Variants in PYY observed in about 807,000 individuals in gnomAD.
The protein encoded by PYY is peptide YY.
PYY carries 12 observed loss-of-function variants against 10.3 expected under a neutral mutation model. That is an observed-to-expected ratio of 1.17 (90% CI 0.75 to 1.89). PYY has a LOEUF of 1.89. Ranked by LOEUF, PYY falls within the 40% of genes most tolerant of loss-of-function variation. PYY has a pLI of 0.00. For missense variants in PYY, 141 were observed against 134.0 expected (o/e 1.05, Z -0.26); for synonymous variants, 66 against 62.0 (o/e 1.06, Z -0.30).
Position 43,967,996 on chromosome 17 carries a change from G to A in PYY, c.-462-1464C>T, listed in dbSNP as rs567966612. On this transcript the variant is annotated intron_variant, in intron 1 of 6. Transcript: ENST00000360085. ...ATTTTTCTCTTCTTCATTCTCCCGT[G>A]CCCCAGCCCCGAGACAATTCCATGG... Among the ~76,000 whole-genome samples, 5 of 152,218 alleles carry A rather than the reference G, an allele frequency of 3.3e-5. No homozygotes were observed. The East Asian group carries it at 9.6e-4, about 29-fold the overall frequency.
intron 1 of PYY, among the ~76,000 whole-genome samples, chr17:43,974,775 T>C (rs1048791753): frequency 2.0e-5 from 3 of 152,332 alleles, no homozygotes; most frequent in South Asian, 4.1e-4. Context: ...TACAGCAAAT[T>C]GAAAAAGGCT....
intron 1 of PYY, among the ~76,000 whole-genome samples, chr17:43,991,167 T>C (rs1422633712): frequency 6.6e-6 from 1 of 151,814 alleles, no homozygotes; most frequent in Non-Finnish European, 1.5e-5. Flanking sequence ...CAGTGGCTCA[T>C]GCCTGTAATT....
chr17:43,997,242 T>C (rs1270041329), intron 1 of PYY, among the ~76,000 whole-genome samples: 1 of 152,026 alleles, frequency 6.6e-6, no homozygotes, highest in Non-Finnish European at 1.5e-5. Context: ...GATTTCACCA[T>C]ACTGGCCAGG....
In PYY at chr17:43,960,532, CA is replaced by C. The variant is rs1170040925; in HGVS notation, c.-217-2505del. On this transcript the variant is annotated intron_variant, in intron 2 of 6. Transcript: ENST00000360085. ...GAGGGACGAGAGTGAGACTTTGTCT[CA>C]AAAAAAAAAAAAAAAAAAAAAACAA... Among the ~76,000 whole-genome samples the C allele has an allele frequency of 1.0e-3, 61 of 59,000 alleles. 1 individual carries two copies. Among genetic ancestry groups the C allele is most frequent in the African/African-American group, 4.3e-3 (56 of 13,152 alleles). 38.7% of individuals were successfully genotyped at this position (59,000 alleles called of 152,430 possible).
At chr17:43,998,154 G>A (rs1372176807) in intron 1 of PYY, among the ~76,000 whole-genome samples, 3 of 151,942 alleles carry the variant, frequency 2.0e-5, no homozygotes, top group Non-Finnish European at 4.4e-5. Flanking sequence ...GGCCAGGCTG[G>A]TCTCGAACTC....
chr17:43,957,792 C>A (rs942960049), upstream of PYY: 1 of 153,770 alleles, frequency 6.5e-6, no homozygotes, highest in African/African-American at 2.4e-5. Flanking sequence ...GAGGATCGCT[C>A]ACTTGAGCCC....
chr17:43,976,430 T>C (rs2048848540), intron 1 of PYY, among the ~76,000 whole-genome samples: 1 of 149,988 alleles, frequency 6.7e-6, no homozygotes, highest in African/African-American at 2.4e-5. Flanking sequence ...TATACATATA[T>C]ACACATATAC....
intron 1 of PYY, among the ~76,000 whole-genome samples, chr17:43,992,993 C>T (rs563803861): frequency 2.6e-5 from 4 of 152,150 alleles, no homozygotes; most frequent in Non-Finnish European, 4.4e-5. Context: ...TTATGGTAGC[C>T]TTAGGAAATG....
chr17:43,969,979 T>G (rs1220280286), intron 1 of PYY, among the ~76,000 whole-genome samples: 3 of 151,732 alleles, frequency 2.0e-5, no homozygotes, highest in Non-Finnish European at 4.4e-5. Context: ...CCTGACCTCA[T>G]GATACATCTG....
chr17:43,957,289 G>C (rs774856004), upstream of PYY, among the ~76,000 whole-genome samples: 1 of 151,882 alleles, frequency 6.6e-6, no homozygotes, highest in Admixed American at 6.6e-5. Context: ...CACTGGGATA[G>C]AGTAGTGAAC....
intron 1 of PYY, among the ~76,000 whole-genome samples, chr17:43,994,103 C>T (rs1442747381): frequency 6.6e-6 from 1 of 152,186 alleles, no homozygotes; most frequent in African/African-American, 2.4e-5. Flanking sequence ...ATCCTCCTGC[C>T]TCAGCCTCCC....
intron 1 of PYY, among the ~76,000 whole-genome samples, chr17:43,997,179 C>T (rs1282723783): frequency 1.3e-5 from 2 of 152,084 alleles, no homozygotes; most frequent in African/African-American, 4.8e-5. Context: ...GCTGGGATTA[C>T]AGGCATGCAC....
rs560514269 is a variant in PYY, at chr17:43,987,502, G to A, written c.-463+16889C>T. On this transcript the variant is annotated intron_variant, in intron 1 of 6. Transcript: ENST00000360085. This position sits in a 1 kb window ranked among gnomAD's most constrained non-coding sequence, Gnocchi z 4.0. ...GAATTCAGCTCGAAGATCAGACCTT[G>A]AGAGGTCGACCCATACTGGGGGTTC... is the stretch of plus-strand genomic sequence containing the variant. Among the ~76,000 whole-genome samples the A allele has an allele frequency of 2.0e-5, 3 of 152,356 alleles. No individual in the cohort carries two copies. The South Asian group carries it at 6.2e-4, about 32-fold the overall frequency.
At chr17:43,992,169 A>G (rs1341901865) in intron 1 of PYY, among the ~76,000 whole-genome samples, 2 of 152,078 alleles carry the variant, frequency 1.3e-5, no homozygotes, top group Non-Finnish European at 2.9e-5. Context: ...CCTCTTCTGA[A>G]TATTTATCCT....
At chr17:43,961,597 G>A (rs2048713158) in intron 2 of PYY, among the ~76,000 whole-genome samples, 1 of 152,034 alleles carries the variant, frequency 6.6e-6, no homozygotes, top group South Asian at 2.1e-4. Context: ...CTGGAGTGCA[G>A]TGGCGCAATC....
rs190787904 is a variant in PYY at position 43,968,980 on chromosome 17, C to T, written c.-462-2448G>A. Among the ~76,000 whole-genome samples the T allele has an allele frequency of 3.3e-5, 5 of 151,418 alleles. No individual in the cohort carries two copies. In the East Asian group the frequency reaches 7.8e-4, roughly 24 times the overall value. On this transcript the variant is annotated intron_variant, in intron 1 of 6. Coordinates refer to the PYY transcript ENST00000360085. Reference sequence around the variant, plus strand: ...AAAATTAGCCAGGCATGGGGGCATGCGCCTGTAGTCCCAGCTACTCAGGTG... The same window carrying T: ...AAAATTAGCCAGGCATGGGGGCATGTGCCTGTAGTCCCAGCTACTCAGGTG...
intron 1 of PYY, among the ~76,000 whole-genome samples, chr17:43,984,421 A>C (rs2048903236): frequency 6.6e-6 from 1 of 152,224 alleles, no homozygotes; most frequent in African/African-American, 2.4e-5. Flanking sequence ...CAATAATTAT[A>C]ATAATATCTA....
At chr17:43,983,179 C>T (rs2048894185) in intron 1 of PYY, among the ~76,000 whole-genome samples, 1 of 152,160 alleles carries the variant, frequency 6.6e-6, no homozygotes, top group South Asian at 2.1e-4. Flanking sequence ...TTGCAGTGGG[C>T]CAAGGTCACG....
chr17:43,968,433 G>C (rs1352643789), intron 1 of PYY, among the ~76,000 whole-genome samples: 1 of 152,092 alleles, frequency 6.6e-6, no homozygotes, highest in Admixed American at 6.5e-5. Context: ...ACATTACCCT[G>C]AGACCAAAAT....
Sources: gnomAD v4.1 joint callset for allele counts (sites outside exome capture counted in the v4.1 genomes callset) on GRCh38, gnomAD v4.1.1 for gene constraint, Gnocchi (gnomAD v3.1) non-coding constraint, MANE v1.5 for transcripts, NCBI Gene and HGNC (gene_info 2026-07-23, HGNC 2026-07-21) for gene names.